ACBD5: variants seen among roughly 807,000 people sequenced by gnomAD.
The protein encoded by ACBD5 is acyl-CoA binding domain containing 5.
A neutral mutation model predicts 71.8 loss-of-function variants in ACBD5; 40 were observed. That is an observed-to-expected ratio of 0.56 (90% CI 0.43 to 0.72). The LOEUF (loss-of-function observed/expected upper bound fraction) is 0.72, where lower values mean the gene tolerates loss of function less well. Ranked by LOEUF, ACBD5 falls within the 30% of genes least tolerant of loss-of-function variation. The pLI is 0.00. For missense variants in ACBD5, 559 were observed against 644.5 expected (o/e 0.87, Z 1.44); for synonymous variants, 229 against 218.6 (o/e 1.05, Z -0.42).
chr10:27,186,824 T>C (rs1165390296), intron 13 of ACBD5: 8 of 388,094 alleles, frequency 2.1e-5, no homozygotes, highest in Non-Finnish European at 3.8e-5. Context: ...TAGAGGACAC[T>C]ATTGAGAGTG....
downstream of ACBD5, among the ~76,000 whole-genome samples, chr10:27,193,118 T>C (rs2059150145): frequency 1.4e-4 from 1 of 7,210 alleles, no homozygotes; most frequent in African/African-American, 1.4e-3. Context: ...TTCCTTCGTG[T>C]GTGTGTGTGT....
chr10:27,186,266 T>C, intron 13 of ACBD5: 5 of 1,102,340 alleles, frequency 4.5e-6, no homozygotes, highest in South Asian at 3.9e-5. Context: ...GAAACTGACA[T>C]AATAAAGTAA....
intron 12 of ACBD5, 49 bp downstream of exon 12, chr10:27,204,391 A>G: frequency 7.2e-7 from 1 of 1,381,976 alleles, no homozygotes; most frequent in Non-Finnish European, 1.0e-6. Context: ...TCTGTCTACT[A>G]TAGGTTATGA....
intron 4 of ACBD5, among the ~76,000 whole-genome samples, chr10:27,228,776 A>G (rs2063403642): frequency 8.8e-6 from 1 of 113,010 alleles, no homozygotes; most frequent in African/African-American, 2.8e-5. Context: ...TCTATAAAAC[A>G]TAATCCTATT....
At chr10:27,211,140 G>C in intron 8 of ACBD5, 59 bp from the exon 9 acceptor site, 1 of 1,535,868 alleles carries the variant, frequency 6.5e-7, no homozygotes, top group South Asian at 1.1e-5. Flanking sequence ...ACACCACAAA[G>C]TTTTTACAGC....
intron 11 of ACBD5, among the ~76,000 whole-genome samples, chr10:27,204,872 A>G (rs1404569401): frequency 6.6e-6 from 1 of 152,210 alleles, no homozygotes; most frequent in Non-Finnish European, 1.5e-5. Context: ...TCACACCTGT[A>G]ATCCCAGCAC....
chr10:27,201,369 A>G (rs1403976083), intron 12 of ACBD5, among the ~76,000 whole-genome samples: 1 of 152,206 alleles, frequency 6.6e-6, no homozygotes, highest in Non-Finnish European at 1.5e-5. Context: ...TCACATACAG[A>G]ATTTTCTTCT....
At chr10:27,189,227 C>T (rs1410122029) in intron 13 of ACBD5, among the ~76,000 whole-genome samples, 3 of 152,200 alleles carry the variant, frequency 2.0e-5, no homozygotes, top group Non-Finnish European at 4.4e-5. Flanking sequence ...ATGTATTGTT[C>T]TTTGTTGGCC....
chr10:27,190,109 A>AC (rs2059017103), intron 13 of ACBD5, among the ~76,000 whole-genome samples: 1 of 151,980 alleles, frequency 6.6e-6, no homozygotes, highest in Non-Finnish European at 1.5e-5. Context: ...ACATGGTAAA[A>AC]CCCCGTCTCT....
At chr10:27,211,989 T>C (rs1266522551) in intron 8 of ACBD5, among the ~76,000 whole-genome samples, 2 of 151,702 alleles carry the variant, frequency 1.3e-5, no homozygotes, top group Non-Finnish European at 2.9e-5. Flanking sequence ...CTTGACACAT[T>C]AGAGAAACAG....
At chr10:27,189,016 C>T (rs1362035632) in intron 13 of ACBD5, among the ~76,000 whole-genome samples, 4 of 152,218 alleles carry the variant, frequency 2.6e-5, no homozygotes, top group Admixed American at 2.0e-4. Flanking sequence ...CATCCCCCTG[C>T]CTTTCTGCCC....
intron 3 of ACBD5, among the ~76,000 whole-genome samples, chr10:27,234,445 G>A (rs1207684325): frequency 7.2e-6 from 1 of 138,448 alleles, no homozygotes; most frequent in Non-Finnish European, 1.6e-5. Flanking sequence ...AAAAGAGGCA[G>A]TTAAAAGTTT....
At chr10:27,199,272 C>G (rs542441272) in intron 12 of ACBD5, among the ~76,000 whole-genome samples, 8 of 151,402 alleles carry the variant, frequency 5.3e-5, no homozygotes, top group Non-Finnish European at 8.8e-5. Context: ...CTCACTGCAA[C>G]CTCCACCTCC....
chr10:27,228,815 A>ATATATATATATTT (rs1554856598), intron 4 of ACBD5, among the ~76,000 whole-genome samples: 5 of 20,368 alleles, frequency 2.5e-4, no homozygotes, highest in African/African-American at 4.7e-4. Context: ...ATATATATAT[A>ATATATATATATTT]TTTTTTTTTT....
chr10:27,240,640 G>A lies in ACBD5; in HGVS notation c.15+34C>T, dbSNP rs1286897873. On this transcript the variant is annotated intron_variant, in intron 1 of 12. Coordinates refer to ENST00000396271, the MANE Select transcript of ACBD5 (RefSeq NM_145698.5). The surrounding 1 kb of genome is among the most constrained non-coding windows in gnomAD (Gnocchi z 4.1). ...TCCCCCGGGGCGTGACTAAGGCCAC[G>A]AATCCGGCCCGCGACGACAGCAAAA... 2.6e-6 allele frequency: 4 copies of A among 1,550,978 alleles called. No individual in the cohort carries two copies. Among genetic ancestry groups the A allele is most frequent in the Non-Finnish European group, 3.5e-6 (4 of 1,146,948 alleles).
chr10:27,235,002 C>A, intron 3 of ACBD5, 90 bp downstream of exon 3: 1 of 1,352,768 alleles, frequency 7.4e-7, no homozygotes, highest in South Asian at 1.2e-5. Context: ...ACTTTCTGCA[C>A]AGAATAATAT....
Position 27,226,966 on chromosome 10 carries a change from C to T in ACBD5, c.376-3514G>A, listed in dbSNP as rs2063126147. 1.4e-5 allele frequency among the ~76,000 whole-genome samples: 2 copies of T among 147,172 alleles called. 1 individual carries two copies. The highest frequency in any genetic ancestry group is 4.3e-4 in the South Asian group (2 of 4,692). ...ACTAGTGTGAGCCACTGCGCCTGGC[C>T]CAAATTCGTAAACTTTCTTAAAACA... On this transcript the variant is annotated intron_variant, in intron 4 of 12. Transcript: ENST00000396271.
chr10:27,212,695 T>C (rs11015611), intron 8 of ACBD5, among the ~76,000 whole-genome samples: 10,578 of 151,390 alleles, frequency 0.07, 686 homozygotes, highest in African/African-American at 0.17. Flanking sequence ...CCTCCCTGAG[T>C]AGCTACCATG....
intron 4 of ACBD5, among the ~76,000 whole-genome samples, chr10:27,223,665 G>GA (rs1435971082): frequency 6.6e-6 from 1 of 152,110 alleles, no homozygotes; most frequent in African/African-American, 2.4e-5. Flanking sequence ...CAGCACTTTG[G>GA]GAGGCCAAGG....
Sources: allele counts gnomAD v4.1 joint callset (sites outside exome capture counted in the v4.1 genomes callset), GRCh38; gene constraint gnomAD v4.1.1; non-coding constraint Gnocchi (gnomAD v3.1); transcripts MANE v1.5; gene names NCBI Gene and HGNC (gene_info 2026-07-23, HGNC 2026-07-21).